ARSG: variants seen among roughly 807,000 people sequenced by gnomAD.
ARSG encodes arylsulfatase G, also known as ASG.
In ARSG, 37 loss-of-function variants were observed where a neutral mutation model predicts 50.5. The observed-to-expected ratio is 0.73, with a 90% CI of 0.56 to 0.96. ARSG has a LOEUF of 0.96. Ranked by LOEUF, ARSG falls within the 50% of genes least tolerant of loss-of-function variation. The pLI is 0.00. For synonymous variants in ARSG, 225 were observed against 254.6 expected (o/e 0.88, Z 1.11); for missense variants, 629 against 675.3 (o/e 0.93, Z 0.76).
chr17:68,420,180 C>G lies in ARSG; in HGVS notation c.1304-9C>G. 6.2e-7 allele frequency: 1 copy of G among 1,612,770 alleles called. No individual in the cohort carries two copies. Among genetic ancestry groups the G allele is most frequent in the Non-Finnish European group, 8.5e-7 (1 of 1,179,406 alleles). On this transcript the variant is annotated splice_polypyrimidine_tract_variant and intron_variant, in intron 11 of 11. Transcript: ENST00000621439. Reference sequence around the variant, plus strand: ...GTTAGCGAGGCATTTGTTGTCATTCCCTCTCTAGGTGGAGCCAGGGCGTGT... The same window carrying G: ...GTTAGCGAGGCATTTGTTGTCATTCGCTCTCTAGGTGGAGCCAGGGCGTGT...
Position 68,414,555 on chromosome 17 carries a change from G to A in ARSG, c.1304-5634G>A, listed in dbSNP as rs557637324. ...GATTCTGGCTTCATAGAATGAATTA[G>A]GGAGGGTTCCCTCTTTGTCATGTGG... On this transcript the variant is annotated intron_variant, in intron 11 of 11. Transcript: ENST00000621439. Among the ~76,000 whole-genome samples the A allele has an allele frequency of 8.5e-5, 13 of 152,264 alleles. No homozygotes were observed. In the South Asian group the frequency reaches 2.7e-3, roughly 32 times the overall value.
intron 2 of ARSG, among the ~76,000 whole-genome samples, chr17:68,330,996 G>A (rs2077714088): frequency 7.8e-6 from 1 of 128,828 alleles, no homozygotes; most frequent in African/African-American, 2.9e-5. Context: ...GGGGGAGGTG[G>A]TGGGCGGGGA....
chr17:68,305,353 A>C (rs1284274755), intron 1 of ARSG, among the ~76,000 whole-genome samples: 1 of 152,124 alleles, frequency 6.6e-6, no homozygotes, highest in Non-Finnish European at 1.5e-5. Flanking sequence ...TTCTTCTTGC[A>C]CTAGCCTCAT....
At chr17:68,392,985 C>T (rs1158365697) in intron 9 of ARSG, among the ~76,000 whole-genome samples, 1 of 152,196 alleles carries the variant, frequency 6.6e-6, no homozygotes, top group Non-Finnish European at 1.5e-5. Context: ...ATGGCTGTCA[C>T]CAAGCTGGTG....
chr17:68,288,602 A>G (rs1369737380), upstream of ARSG, among the ~76,000 whole-genome samples: 1 of 152,170 alleles, frequency 6.6e-6, no homozygotes, highest in African/African-American at 2.4e-5. Flanking sequence ...TTCAATGTCA[A>G]TGTAAAATCA....
intron 2 of ARSG, among the ~76,000 whole-genome samples, chr17:68,328,085 T>A (rs1022147063): frequency 1.3e-4 from 20 of 152,072 alleles, no homozygotes; most frequent in Non-Finnish European, 1.3e-4. Context: ...TGAGTTGACA[T>A]GTGACATACG....
intron 6 of ARSG, among the ~76,000 whole-genome samples, chr17:68,358,820 T>C (rs1327646702): frequency 6.6e-6 from 1 of 152,030 alleles, no homozygotes; most frequent in East Asian, 1.9e-4. Context: ...TGAGCCATAA[T>C]GGTGCCACCG....
chr17:68,359,973 G>A (rs1040428307), intron 6 of ARSG, among the ~76,000 whole-genome samples: 4 of 152,170 alleles, frequency 2.6e-5, no homozygotes, highest in Admixed American at 6.6e-5. Context: ...CCCATGGCAC[G>A]TGGATGCTTC....
intron 11 of ARSG, among the ~76,000 whole-genome samples, chr17:68,405,471 G>A (rs1242777540): frequency 1.3e-5 from 2 of 151,730 alleles, no homozygotes; most frequent in East Asian, 1.9e-4. Flanking sequence ...TCACAATTTC[G>A]TTTTCAGATT....
At chr17:68,368,019 A>G (rs78538574) in intron 6 of ARSG, among the ~76,000 whole-genome samples, 2,267 of 152,232 alleles carry the variant, frequency 0.015, 57 homozygotes, top group African/African-American at 0.052. Context: ...GCAGTGTGAC[A>G]ATATCGCGCC....
At chr17:68,355,212 G>A (rs2078977114) in intron 5 of ARSG, among the ~76,000 whole-genome samples, 1 of 152,212 alleles carries the variant, frequency 6.6e-6, no homozygotes, top group Non-Finnish European at 1.5e-5. Flanking sequence ...GGATGGCACA[G>A]GCCCTCCAAT....
At chr17:68,356,951 T>G in intron 6 of ARSG, 147 bp downstream of exon 6, 1 of 1,007,738 alleles carries the variant, frequency 9.9e-7, no homozygotes, top group Non-Finnish European at 1.4e-6. Flanking sequence ...CTCCTATAAG[T>G]AAAGCTGGAA....
intron 1 of ARSG, among the ~76,000 whole-genome samples, chr17:68,293,713 G>A (rs2076104380): frequency 6.6e-6 from 1 of 152,184 alleles, no homozygotes; most frequent in Admixed American, 6.5e-5. Context: ...AGCACTGGAG[G>A]GATTGACCTA....
intron 9 of ARSG, 26 bp from the exon 10 acceptor site, chr17:68,395,047 A>G (rs776441222): frequency 9.3e-6 from 15 of 1,612,718 alleles, no homozygotes; most frequent in Non-Finnish European, 1.2e-5. Context: ...AGAGCTGGGG[A>G]CAACTCAGTC....
At chr17:68,357,261 G>C (rs995209225) in intron 6 of ARSG, among the ~76,000 whole-genome samples, 2 of 152,312 alleles carry the variant, frequency 1.3e-5, no homozygotes, top group East Asian at 3.9e-4. Flanking sequence ...CAGATCTGGA[G>C]GCCAGATGTC....
intron 1 of ARSG, among the ~76,000 whole-genome samples, chr17:68,270,365 C>T (rs577656231): frequency 1.6e-4 from 25 of 152,136 alleles, no homozygotes; most frequent in African/African-American, 4.6e-4. Context: ...ACCATCCTGG[C>T]CAACATGGTG....
rs184540541 is a variant in ARSG, at chr17:68,346,598, G to A, written c.407-527G>A. The stretch of plus-strand genomic sequence containing the variant: ...AGACTGAGCGCATTTGCAGACCGAG[G>A]AGCAGCAGGGTGTCTGAGTTTCCTC... On this transcript the variant is annotated intron_variant, in intron 3 of 11. Transcript: ENST00000621439. 7.0e-6 allele frequency: 4 copies of A among 573,438 alleles called. No individual in the cohort carries two copies. The Admixed American group carries it at 1.5e-4, about 22-fold the overall frequency. The allele number at this position is 573,438 out of a possible 1,614,324, so 35.5% of individuals were successfully genotyped here.
intron 2 of ARSG, among the ~76,000 whole-genome samples, chr17:68,316,164 T>C (rs1192491577): frequency 6.6e-6 from 1 of 152,228 alleles, no homozygotes; most frequent in Non-Finnish European, 1.5e-5. Context: ...TTGCCTCTTA[T>C]TGGCGAGGTC....
At chr17:68,344,239 A>G (rs1451024294) in intron 3 of ARSG, among the ~76,000 whole-genome samples, 1 of 152,160 alleles carries the variant, frequency 6.6e-6, no homozygotes, top group African/African-American at 2.4e-5. Context: ...TTGCACTTAT[A>G]TCTTATTGGC....
Sources: allele counts gnomAD v4.1 joint callset (sites outside exome capture counted in the v4.1 genomes callset), GRCh38; gene constraint gnomAD v4.1.1; transcripts MANE v1.5; gene names NCBI Gene and HGNC (gene_info 2026-07-23, HGNC 2026-07-21).